Variants in ADCYAP1R1 observed in about 807,000 individuals in gnomAD.
ADCYAP1R1 encodes pituitary adenylate cyclase-activating polypeptide type I receptor.
Under a neutral mutation model 67.6 loss-of-function variants are expected in ADCYAP1R1, and 44 were observed. The ratio of observed to expected loss-of-function variants is 0.65; its 90% CI spans 0.51 to 0.84. The LOEUF is 0.84. Ranked by LOEUF, ADCYAP1R1 falls within the 40% of genes least tolerant of loss-of-function variation. The probability of loss-of-function intolerance (pLI) is 0.00; values close to 1 mark genes in which losing one functional copy is unlikely to be tolerated. For synonymous variants in ADCYAP1R1, 222 were observed against 219.6 expected (o/e 1.01, Z -0.10); for missense variants, 477 against 587.9 (o/e 0.81, Z 1.95).
At chr7:31,080,043 C>T (rs187851662) in intron 4 of ADCYAP1R1, among the ~76,000 whole-genome samples, 73 of 152,316 alleles carry the variant, frequency 4.8e-4, no homozygotes, top group South Asian at 2.7e-3. Flanking sequence ...TATTGAACAT[C>T]TACTCTGGGT....
chr7:31,074,537 C>T (rs1400863575), intron 3 of ADCYAP1R1, among the ~76,000 whole-genome samples: 1 of 152,232 alleles, frequency 6.6e-6, no homozygotes, highest in African/African-American at 2.4e-5. Context: ...GGCCCTGTGA[C>T]CTCGGCAGTG....
intron 2 of ADCYAP1R1, 77 bp from the exon 3 acceptor site, chr7:31,064,753 GC>G: frequency 2.5e-6 from 3 of 1,184,696 alleles, no homozygotes; most frequent in Non-Finnish European, 2.5e-6. Context: ...CCAAGACACT[GC>G]CCCTGGGGCT....
intron 4 of ADCYAP1R1, among the ~76,000 whole-genome samples, chr7:31,079,021 G>T (rs1372379877): frequency 6.6e-6 from 1 of 152,220 alleles, no homozygotes; most frequent in Non-Finnish European, 1.5e-5. Flanking sequence ...CCGTGAGTGG[G>T]CAGAGTGGCT....
chr7:31,100,460 C>G (rs904804292), intron 13 of ADCYAP1R1, among the ~76,000 whole-genome samples: 6 of 152,078 alleles, frequency 3.9e-5, no homozygotes, highest in Non-Finnish European at 7.4e-5. Flanking sequence ...AGCAGCACCC[C>G]CATGTTCTCT....
At chr7:31,060,159 G>A (rs548656348) in intron 1 of ADCYAP1R1, among the ~76,000 whole-genome samples, 69 of 152,274 alleles carry the variant, frequency 4.5e-4, no homozygotes, top group African/African-American at 1.5e-3. Context: ...TCAGTCCACC[G>A]CAGCTACAGC....
intron 6 of ADCYAP1R1, 72 bp downstream of exon 6, chr7:31,081,826 A>T: frequency 7.5e-7 from 1 of 1,326,386 alleles, no homozygotes. Context: ...GAGCTTTGAG[A>T]ACCCCATCCC....
At chr7:31,066,020 C>T (rs1304515795) in intron 3 of ADCYAP1R1, among the ~76,000 whole-genome samples, 1 of 152,204 alleles carries the variant, frequency 6.6e-6, no homozygotes, top group Non-Finnish European at 1.5e-5. Context: ...AGCTCTTGCT[C>T]AGCCCTAACC....
At position 31,080,596 on chromosome 7, in the gene ADCYAP1R1, C is replaced by G; in HGVS notation, c.266-17C>G. 6.2e-7 allele frequency: 1 copy of G among 1,612,826 alleles called. No individual in the cohort carries two copies. Among genetic ancestry groups the G allele is most frequent in the Non-Finnish European group, 8.5e-7 (1 of 1,179,904 alleles). On this transcript the variant is annotated splice_polypyrimidine_tract_variant and intron_variant, in intron 4 of 15. Coordinates refer to ENST00000304166, the MANE Select transcript of ADCYAP1R1 (RefSeq NM_001118.5). ...TCACCTCTGACTTTTCTCTCTCTCT[C>G]TTTCTCTCTGTTTCAGTCTGGGAGA...
At chr7:31,072,405 A>G (rs904459403) in intron 3 of ADCYAP1R1, among the ~76,000 whole-genome samples, 1 of 152,160 alleles carries the variant, frequency 6.6e-6, no homozygotes, top group African/African-American at 2.4e-5. Context: ...GCCCTCAGTC[A>G]TGTGATGTGG....
At position 31,085,359 on chromosome 7, in the gene ADCYAP1R1, T is replaced by C. The variant is rs1380214734; in HGVS notation, c.586T>C (p.Phe196Leu). 3 of 1,614,006 alleles carry C rather than the reference T, an allele frequency of 1.9e-6. No individual in the cohort carries two copies. Among genetic ancestry groups the C allele is most frequent in the African/African-American group, 1.3e-5 (1 of 74,944 alleles). ...CATCCACATGAACCTGTTTGTGTCG[T>C]TCATGCTGAGGGCGATCTCCGTCTT... is the stretch of plus-strand genomic sequence containing the variant. ...NFIHMNLFVSFMLRAISVFIK... is the reference protein window; with the variant it reads ...NFIHMNLFVSLMLRAISVFIK... Residue 196 changes from phenylalanine (F) to leucine (L), a missense_variant, in exon 9 of 16, where the codon TTC (phenylalanine) becomes CTC (leucine). Coordinates refer to ENST00000304166, the MANE Select transcript of ADCYAP1R1 (RefSeq NM_001118.5).
Position 31,086,480 on chromosome 7 carries a change from G to A in ADCYAP1R1, c.766G>A (p.Val256Met). The change falls in exon 10 of 16, where the codon GTG becomes ATG. Residue 256 changes from valine (V) to methionine (M), a missense_variant. Transcript: ENST00000304166. The surrounding 1 kb of genome is among the most constrained non-coding windows in gnomAD (Gnocchi z 5.0). ...GGGCCTGTACCTCTTCACTCTGCTG[G>A]TGGAGACCTTCTTCCCTGAAAGGAG... ...IEGLYLFTLLVETFFPERRYF... is the reference protein window; with the variant it reads ...IEGLYLFTLLMETFFPERRYF... 4 of 1,614,198 alleles carry A rather than the reference G, an allele frequency of 2.5e-6. No individual in the cohort carries two copies. The highest frequency in any genetic ancestry group is 3.4e-6 in the Non-Finnish European group (4 of 1,180,038).
Position 31,104,858 on chromosome 7 carries a change from C to G in ADCYAP1R1, c.1177-10C>G, listed in dbSNP as rs1406748875. On this transcript the variant is annotated splice_polypyrimidine_tract_variant and intron_variant, in intron 14 of 15. Transcript: ENST00000304166. Reference sequence around the variant, plus strand: ...GCTAGCATCCTCAGGCTTATTTTCTCTATTCCCAGGGCTTTGTGGTGGCTG... The same window carrying G: ...GCTAGCATCCTCAGGCTTATTTTCTGTATTCCCAGGGCTTTGTGGTGGCTG... 4 of 1,614,154 alleles carry G rather than the reference C, an allele frequency of 2.5e-6. No individual in the cohort carries two copies. The highest frequency in any genetic ancestry group is 4.5e-5 in the East Asian group (2 of 44,882).
intron 12 of ADCYAP1R1, among the ~76,000 whole-genome samples, chr7:31,091,776 T>C (rs1441218210): frequency 6.6e-6 from 1 of 152,144 alleles, no homozygotes; most frequent in Non-Finnish European, 1.5e-5. Context: ...ACAGCCTTTG[T>C]CATTCAATTC....
At chr7:31,053,939 A>G (rs1794133191) in intron 1 of ADCYAP1R1, among the ~76,000 whole-genome samples, 1 of 152,178 alleles carries the variant, frequency 6.6e-6, no homozygotes, top group African/African-American at 2.4e-5. Context: ...ACTATGTTTG[A>G]GCCTTTGGGG....
intron 3 of ADCYAP1R1, among the ~76,000 whole-genome samples, chr7:31,069,561 A>C (rs1011149312): frequency 2.0e-5 from 3 of 152,212 alleles, no homozygotes; most frequent in Non-Finnish European, 1.5e-5. Context: ...TTGGAACAAG[A>C]GCCCTGATCT....
chr7:31,084,647 C>T, intron 7 of ADCYAP1R1, 90 bp from the exon 8 acceptor site: 1 of 1,075,290 alleles, frequency 9.3e-7, no homozygotes. Context: ...GTGGGCAGGC[C>T]CTGGCCTGGG....
Position 31,086,726 on chromosome 7 carries a change from G to T in ADCYAP1R1, c.823+189G>T, listed in dbSNP as rs1795759340. On this transcript the variant is annotated intron_variant, in intron 10 of 15. Transcript: ENST00000304166. This position sits in a 1 kb window ranked among gnomAD's most constrained non-coding sequence, Gnocchi z 5.0. ...CCTGTGGAAAGCCCACTATCTCAGGGAGGAGTTAAATCCAGGAGTCCTCTG... is the reference window on the plus strand; with the variant it reads ...CCTGTGGAAAGCCCACTATCTCAGGTAGGAGTTAAATCCAGGAGTCCTCTG... Among the ~76,000 whole-genome samples, 1 of 152,158 alleles carries T rather than the reference G, an allele frequency of 6.6e-6. No individual in the cohort carries two copies. Among genetic ancestry groups the T allele is most frequent in the Non-Finnish European group, 1.5e-5 (1 of 68,028 alleles).
Position 31,104,879 on chromosome 7 carries a change from G to GGCTGTTCTCT in ADCYAP1R1, c.1189_1198dup (p.Tyr400CysfsTer10). The GGCTGTTCTCT allele has an allele frequency of 6.2e-7, 1 of 1,614,188 alleles. No homozygotes were observed. Among genetic ancestry groups the GGCTGTTCTCT allele is most frequent in the Non-Finnish European group, 8.5e-7 (1 of 1,180,032 alleles). Reference sequence around the variant, plus strand: ...TTCTCTATTCCCAGGGCTTTGTGGTGGCTGTTCTCTACTGTTTTCTGAATG... The same window carrying GGCTGTTCTCT: ...TTCTCTATTCCCAGGGCTTTGTGGTGGCTGTTCTCTGCTGTTCTCTACTGTTTTCTGAATG... On this transcript the variant is annotated frameshift_variant, in exon 15 of 16. Transcript: ENST00000304166. LOFTEE classifies it high-confidence loss of function.
In ADCYAP1R1 at chr7:31,106,688, A is replaced by G. The variant is rs1341466749; in HGVS notation, c.*4A>G. The G allele has an allele frequency of 3.1e-6, 5 of 1,601,130 alleles. No individual in the cohort carries two copies. Among genetic ancestry groups the G allele is most frequent in the Non-Finnish European group, 4.3e-6 (5 of 1,173,632 alleles). On this transcript the variant is annotated 3_prime_UTR_variant, in exon 16 of 16. Coordinates refer to ENST00000304166, the MANE Select transcript of ADCYAP1R1 (RefSeq NM_001118.5). ...TGCTGACAATCTGGCCACCTGAGCC[A>G]TGCTCCCCTCCTCCTCCTCTCCTCC...
Sources: allele counts gnomAD v4.1 joint callset (sites outside exome capture counted in the v4.1 genomes callset), GRCh38; gene constraint gnomAD v4.1.1; non-coding constraint Gnocchi (gnomAD v3.1); transcripts MANE v1.5; gene names NCBI Gene and HGNC (gene_info 2026-07-23, HGNC 2026-07-21).